The following SRRM4 variants were observed in gnomAD, a reference collection of about 807,000 sequenced individuals.
SRRM4 encodes the protein serine/arginine repetitive matrix 4, also known as serine/arginine repetitive matrix protein 4.
Under a neutral mutation model 68.9 loss-of-function variants are expected in SRRM4, and 33 were observed. The ratio of observed to expected loss-of-function variants is 0.48; its 90% CI spans 0.36 to 0.64. SRRM4 has a LOEUF of 0.64. Ranked by LOEUF, SRRM4 falls within the 30% of genes least tolerant of loss-of-function variation. The pLI, the probability that SRRM4 is intolerant of heterozygous loss-of-function variation, is 0.00. For missense variants in SRRM4, 817 were observed against 827.1 expected (o/e 0.99, Z 0.15); for synonymous variants, 318 against 318.8 (o/e 1.00, Z 0.03).
At chr12:119,133,141 AC>A (rs1394706764) in intron 8 of SRRM4, 1 of 152,160 alleles carries the variant, frequency 6.6e-6, no homozygotes, top group Non-Finnish European at 1.5e-5. Flanking sequence ...TTCCTCAAAA[AC>A]TGCAAAACAA....
At chr12:119,103,642 A>C (rs998922484) in intron 2 of SRRM4, among the ~76,000 whole-genome samples, 6 of 152,216 alleles carry the variant, frequency 3.9e-5, no homozygotes, top group Non-Finnish European at 8.8e-5. Flanking sequence ...AAACAGGAAG[A>C]AAGTTGTTTC....
rs1190605852 is a variant in SRRM4 at position 119,154,182 on chromosome 12, G to T, written c.1392-61G>T. 20 of 1,482,280 alleles carry T rather than the reference G, an allele frequency of 1.3e-5. No individual in the cohort carries two copies. The highest frequency in any genetic ancestry group is 1.7e-5 in the Non-Finnish European group (19 of 1,086,038). The allele number at this position is 1,482,280 out of a possible 1,614,324, so 91.8% of individuals were successfully genotyped here. A position where few individuals can be genotyped will look rare whatever the true frequency, so the allele number is the denominator to read the frequency against. ...AAGAAAGGGAGTGTCCCTCTCCCAC[G>T]CGCTCACGCAGAAAATCCAGCCCAG... On this transcript the variant is annotated intron_variant, in intron 11 of 12. Coordinates refer to ENST00000267260, the MANE Select transcript of SRRM4 (RefSeq NM_194286.4). The surrounding 1 kb of genome is among the most constrained non-coding windows in gnomAD (Gnocchi z 4.7).
chr12:119,064,843 A>T (rs1397108552), intron 1 of SRRM4, among the ~76,000 whole-genome samples: 1 of 152,168 alleles, frequency 6.6e-6, no homozygotes, highest in Admixed American at 6.5e-5. Flanking sequence ...GGTTTTCTCT[A>T]GCATTTTTTT....
chr12:119,037,629 A>C (rs915753659), intron 1 of SRRM4, among the ~76,000 whole-genome samples: 3 of 152,196 alleles, frequency 2.0e-5, no homozygotes, highest in Admixed American at 6.5e-5. Flanking sequence ...GTGGGTGTCT[A>C]TTAGGCCTCC....
In SRRM4 at chr12:119,154,886, A is replaced by G. The variant is rs569051431; in HGVS notation, c.1532+503A>G. Among the ~76,000 whole-genome samples, 24 of 152,296 alleles carry G rather than the reference A, an allele frequency of 1.6e-4. No homozygotes were observed. The highest frequency in any genetic ancestry group is 5.5e-4 in the African/African-American group (23 of 41,554). On this transcript the variant is annotated intron_variant, in intron 12 of 12. Transcript: ENST00000267260. The surrounding 1 kb of genome is among the most constrained non-coding windows in gnomAD (Gnocchi z 4.7). ...TGAACCAAGTGTGGAAAGGACAAAC[A>G]GGATTGCTTAGTTCCCAAAGGGACC...
intron 1 of SRRM4, among the ~76,000 whole-genome samples, chr12:119,066,877 C>G (rs572677966): frequency 6.6e-5 from 10 of 152,246 alleles, no homozygotes; most frequent in Non-Finnish European, 1.5e-4. Context: ...CCCCCTCCCC[C>G]ACATGATTCT....
intron 5 of SRRM4, among the ~76,000 whole-genome samples, 157 bp downstream of exon 5, chr12:119,120,433 G>GT (rs927074999): frequency 6.6e-6 from 1 of 152,084 alleles, no homozygotes; most frequent in Admixed American, 6.6e-5. Context: ...GGTCTGGGCT[G>GT]TTTTTTCTGA....
intron 2 of SRRM4, among the ~76,000 whole-genome samples, chr12:119,107,766 C>A (rs1193346278): frequency 6.6e-6 from 1 of 152,118 alleles, no homozygotes; most frequent in Non-Finnish European, 1.5e-5. Flanking sequence ...TTTCAAAAAA[C>A]CAGCTCCTGG....
At chr12:119,042,770 G>A (rs780431653) in intron 1 of SRRM4, among the ~76,000 whole-genome samples, 2 of 151,778 alleles carry the variant, frequency 1.3e-5, no homozygotes, top group Non-Finnish European at 1.5e-5. Flanking sequence ...AGAGAAAGAA[G>A]ATAAGAAACA....
At chr12:119,116,721 C>T (rs1187215385) in intron 3 of SRRM4, among the ~76,000 whole-genome samples, 1 of 152,116 alleles carries the variant, frequency 6.6e-6, no homozygotes, top group African/African-American at 2.4e-5. Flanking sequence ...TTTACATTAA[C>T]TTGTTAAAAA....
At chr12:119,058,946 C>G (rs1953793850) in intron 1 of SRRM4, among the ~76,000 whole-genome samples, 1 of 152,208 alleles carries the variant, frequency 6.6e-6, no homozygotes, top group Admixed American at 6.5e-5. Context: ...ACCACCCCAC[C>G]CGCAGCAGAG....
intron 1 of SRRM4, among the ~76,000 whole-genome samples, chr12:119,080,102 T>C (rs1378031952): frequency 1.3e-5 from 2 of 152,134 alleles, no homozygotes; most frequent in Non-Finnish European, 2.9e-5. Context: ...TGTCATCCTG[T>C]CTTAACCCCT....
At chr12:119,040,706 C>CTTATTT (rs1953662957) in intron 1 of SRRM4, among the ~76,000 whole-genome samples, 1 of 151,928 alleles carries the variant, frequency 6.6e-6, no homozygotes, top group Non-Finnish European at 1.5e-5. Context: ...AGGGTAGATA[C>CTTATTT]CCAGTAGTGG....
intron 2 of SRRM4, among the ~76,000 whole-genome samples, chr12:119,110,885 AC>A (rs1954138830): frequency 6.6e-6 from 1 of 151,970 alleles, no homozygotes; most frequent in Non-Finnish European, 1.5e-5. Context: ...TACAGAAATC[AC>A]CCGTCTTCTG....
rs116788990 is a variant in SRRM4 at position 119,048,286 on chromosome 12, G to A, written c.132-53950G>A. 2.3e-3 allele frequency among the ~76,000 whole-genome samples: 348 copies of A among 152,286 alleles called. 2 individuals carry two copies. The highest frequency in any genetic ancestry group is 7.9e-3 in the African/African-American group (330 of 41,562). ...GTCTCCCTAACCCAGTTCCAAATCAGGGGTGAGCCCATGAGTGCACATGAA... is the reference window on the plus strand; with the variant it reads ...GTCTCCCTAACCCAGTTCCAAATCAAGGGTGAGCCCATGAGTGCACATGAA... On this transcript the variant is annotated intron_variant, in intron 1 of 12. Coordinates refer to ENST00000267260, the MANE Select transcript of SRRM4 (RefSeq NM_194286.4).
chr12:118,996,331 A>G (rs1478064504), intron 1 of SRRM4, among the ~76,000 whole-genome samples: 33 of 152,184 alleles, frequency 2.2e-4, no homozygotes, highest in Admixed American at 2.2e-3. Flanking sequence ...ATGCATATTC[A>G]TTTATATCAG....
chr12:119,156,810 C>G lies in SRRM4; in HGVS notation c.*12C>G. The stretch of plus-strand genomic sequence containing the variant: ...GCACGAGGCGCTAAGTGCCCCTGAG[C>G]CAGCTGCCCGTGGGGGCCCCTTCGC... On this transcript the variant is annotated 3_prime_UTR_variant, in exon 13 of 13. Transcript: ENST00000267260. 1 of 1,512,734 alleles carries G rather than the reference C, an allele frequency of 6.6e-7. No homozygotes were observed. Among genetic ancestry groups the G allele is most frequent in the Non-Finnish European group, 8.8e-7 (1 of 1,131,774 alleles). The allele number at this position is 1,512,734 out of a possible 1,614,324, so 93.7% of individuals were successfully genotyped here. A position where few individuals can be genotyped will look rare whatever the true frequency, so the allele number is the denominator to read the frequency against.
At chr12:119,125,515 A>G (rs767416530) in intron 7 of SRRM4, 36 bp downstream of exon 7, 1 of 1,582,424 alleles carries the variant, frequency 6.3e-7, no homozygotes, top group Non-Finnish European at 8.7e-7. Flanking sequence ...TCTGTCAGCC[A>G]CAGCCGAGCC....
intron 2 of SRRM4, among the ~76,000 whole-genome samples, chr12:119,102,780 A>G (rs1419138013): frequency 6.6e-6 from 1 of 152,184 alleles, no homozygotes; most frequent in Non-Finnish European, 1.5e-5. Flanking sequence ...TCATAGTTTC[A>G]GCCCAGACCT....
Sources: gnomAD v4.1 joint callset for allele counts (sites outside exome capture counted in the v4.1 genomes callset) on GRCh38, gnomAD v4.1.1 for gene constraint, Gnocchi (gnomAD v3.1) non-coding constraint, MANE v1.5 for transcripts, NCBI Gene and HGNC (gene_info 2026-07-23, HGNC 2026-07-21) for gene names.